The following IGSF10 variants were observed in gnomAD, a reference collection of about 807,000 sequenced individuals.
IGSF10 encodes immunoglobulin superfamily member 10.
Under a neutral mutation model 128.2 loss-of-function variants are expected in IGSF10, and 126 were observed. That is an observed-to-expected ratio of 0.98 (90% CI 0.85 to 1.14). The LOEUF (loss-of-function observed/expected upper bound fraction) is 1.14, where lower values mean the gene tolerates loss of function less well. IGSF10 is among the 50% of genes most tolerant of loss of function. IGSF10 has a pLI of 0.00. For synonymous variants in IGSF10, 1,185 were observed against 1,146.2 expected, an observed-to-expected ratio of 1.03 and a Z score of -0.68; for missense variants, 3,295 against 3,149.8, an observed-to-expected ratio of 1.05 and a Z score of -1.10.
At chr3:151,564,250 C>T in the IGSF10 span, among the ~76,000 whole-genome samples, 1 of 151,986 alleles carries the variant, frequency 6.6e-6, no homozygotes, top group African/African-American at 2.4e-5. Context: ...TTTAATTTGA[C>T]CAAGCTGATA....
Position 151,445,849 on chromosome 3 carries a change from C to T in IGSF10, c.4132G>A (p.Val1378Ile). Residue 1378 changes from valine to isoleucine, a missense_variant, in exon 6 of 8, where the codon GTT becomes ATT. Coordinates refer to ENST00000282466, the MANE Select transcript of IGSF10 (RefSeq NM_178822.5). ...ACTGAAGTTTCGGCTGTGGTTAGAACAGGAGGTGTCATAGCAGTGGGTGTA... is the reference window on the plus strand; with the variant it reads ...ACTGAAGTTTCGGCTGTGGTTAGAATAGGAGGTGTCATAGCAGTGGGTGTA... Reference protein sequence around the residue: ...FTTPTAMTPPVLTTAETSVKP... With the variant: ...FTTPTAMTPPILTTAETSVKP... 6.2e-7 allele frequency: 1 copy of T among 1,614,172 alleles called. No homozygotes were observed. Among genetic ancestry groups the T allele is most frequent in the Non-Finnish European group, 8.5e-7 (1 of 1,180,026 alleles).
At chr3:151,597,985 G>GA in the IGSF10 span, among the ~76,000 whole-genome samples, 8 of 150,952 alleles carry the variant, frequency 5.3e-5, no homozygotes, top group Admixed American at 1.3e-4. Flanking sequence ...GGCACAAATT[G>GA]AAATATTTTG....
chr3:151,591,468 TACTA>T, the IGSF10 span, among the ~76,000 whole-genome samples: 1 of 145,338 alleles, frequency 6.9e-6, no homozygotes, highest in African/African-American at 2.5e-5. Flanking sequence ...ATTTACCAGA[TACTA>T]AAGATAGTTC....
At chr3:151,465,788 T>C (rs368554437), upstream of IGSF10, among the ~76,000 whole-genome samples, 15 of 152,190 alleles carry the variant, frequency 9.9e-5, no homozygotes, top group African/African-American at 3.6e-4. Context: ...GACGTTGTAC[T>C]TCTATATTTG....
intron 5 of IGSF10, among the ~76,000 whole-genome samples, chr3:151,450,638 T>G (rs1721465132): frequency 6.6e-6 from 1 of 152,052 alleles, no homozygotes; most frequent in Non-Finnish European, 1.5e-5. Flanking sequence ...CGCTCACGCC[T>G]GTAACCTCAG....
intron 4 of IGSF10, among the ~76,000 whole-genome samples, chr3:151,456,593 T>C (rs753304338): frequency 6.6e-6 from 1 of 152,230 alleles, no homozygotes; most frequent in African/African-American, 2.4e-5. Context: ...TTGGGAGTCC[T>C]CTTAACTTTA....
chr3:151,534,796 A>AGT, the IGSF10 span, among the ~76,000 whole-genome samples: 1,034 of 129,446 alleles, frequency 8.0e-3, 7 homozygotes, highest in South Asian at 0.015. Flanking sequence ...CAGAATTTAA[A>AGT]GTGTATGTGT....
the IGSF10 span, among the ~76,000 whole-genome samples, chr3:151,521,577 C>T: frequency 6.6e-6 from 1 of 151,942 alleles, no homozygotes; most frequent in Non-Finnish European, 1.5e-5. Flanking sequence ...CACGCAATTA[C>T]ATGGAAATTA....
chr3:151,440,733 G>C, intron 7 of IGSF10: 1 of 440,672 alleles, frequency 2.3e-6, no homozygotes, highest in Admixed American at 2.4e-5. Context: ...CTCACCTCCA[G>C]AATTTGACTT....
At chr3:151,458,960 T>A (rs1477817401) in intron 2 of IGSF10, among the ~76,000 whole-genome samples, 2 of 152,218 alleles carry the variant, frequency 1.3e-5, no homozygotes, top group Non-Finnish European at 2.9e-5. Flanking sequence ...CACTTCTTTA[T>A]GAAAACCAGC....
chr3:151,600,661 C>T, the IGSF10 span, among the ~76,000 whole-genome samples: 2 of 152,008 alleles, frequency 1.3e-5, no homozygotes, highest in African/African-American at 4.8e-5. Context: ...TGTATTTTAA[C>T]TTTGAAAATA....
the IGSF10 span, among the ~76,000 whole-genome samples, chr3:151,483,901 CATGAGTTTTTTT>C: frequency 6.6e-6 from 1 of 152,314 alleles, no homozygotes; most frequent in Non-Finnish European, 1.5e-5. Flanking sequence ...GAGCTAGATG[CATGAGTTTTTTT>C]TATATACCCC....
chr3:151,598,078 T>TGTGTGTGC, the IGSF10 span, among the ~76,000 whole-genome samples: 32 of 138,212 alleles, frequency 2.3e-4, no homozygotes, highest in African/African-American at 9.2e-4. Context: ...CTGGTGTGTG[T>TGTGTGTGC]GTGTGTGTGT....
the IGSF10 span, among the ~76,000 whole-genome samples, chr3:151,487,794 A>T: frequency 6.6e-6 from 1 of 152,168 alleles, no homozygotes; most frequent in Non-Finnish European, 1.5e-5. Context: ...TCATGCTAAA[A>T]ACTCTCAATA....
the IGSF10 span, among the ~76,000 whole-genome samples, chr3:151,595,571 A>G: frequency 6.7e-6 from 1 of 149,342 alleles, no homozygotes. Context: ...TATATTATAT[A>G]CATAAATATA....
At chr3:151,532,320 C>T in the IGSF10 span, among the ~76,000 whole-genome samples, 1 of 151,880 alleles carries the variant, frequency 6.6e-6, no homozygotes, top group Non-Finnish European at 1.5e-5. Flanking sequence ...AATCCTAATT[C>T]ATTTTATGAG....
At chr3:151,602,551 G>A in the IGSF10 span, among the ~76,000 whole-genome samples, 1 of 152,030 alleles carries the variant, frequency 6.6e-6, no homozygotes, top group African/African-American at 2.4e-5. Flanking sequence ...TTGTAAAAAT[G>A]GTTTATCATA....
At chr3:151,496,371 G>T in the IGSF10 span, among the ~76,000 whole-genome samples, 6 of 117,482 alleles carry the variant, frequency 5.1e-5, no homozygotes, top group African/African-American at 1.7e-4. Flanking sequence ...ACAACAGTCC[G>T]CAGTGTGTGA....
the IGSF10 span, among the ~76,000 whole-genome samples, chr3:151,600,846 T>C: frequency 6.6e-6 from 1 of 152,164 alleles, no homozygotes; most frequent in Admixed American, 6.5e-5. Flanking sequence ...AGTGCATTTC[T>C]CTTATTGCCT....
Sources: gnomAD v4.1 joint callset for allele counts (sites outside exome capture counted in the v4.1 genomes callset) on GRCh38, gnomAD v4.1.1 for gene constraint, MANE v1.5 for transcripts, NCBI Gene and HGNC (gene_info 2026-07-23, HGNC 2026-07-21) for gene names.